The following FYB1 variants were observed in gnomAD, a reference collection of about 807,000 sequenced individuals.
FYB1 encodes the protein FYN binding protein 1.
Under a neutral mutation model 94.1 loss-of-function variants are expected in FYB1, and 41 were observed. That is an observed-to-expected ratio of 0.44 (90% confidence interval 0.34 to 0.57). The LOEUF (loss-of-function observed/expected upper bound fraction) is 0.57. FYB1 is among the 20% of genes least tolerant of loss of function. FYB1 has a pLI of 0.02. For missense variants in FYB1, 1,050 were observed against 976.8 expected (o/e 1.07, Z -1.00); for synonymous variants, 367 against 353.2 (o/e 1.04, Z -0.44).
At chr5:39,197,622 A>G (rs1747947432) in intron 2 of FYB1, among the ~76,000 whole-genome samples, 1 of 151,802 alleles carries the variant, frequency 6.6e-6, no homozygotes, top group South Asian at 2.1e-4. Flanking sequence ...TCTGGAAACA[A>G]TGACCTTCGA....
At chr5:39,217,843 A>T (rs1749989421) in intron 1 of FYB1, among the ~76,000 whole-genome samples, 1 of 152,214 alleles carries the variant, frequency 6.6e-6, no homozygotes, top group Non-Finnish European at 1.5e-5. Flanking sequence ...TCATTTCTAC[A>T]TCCCTGATCT....
rs1745136233 is a variant in FYB1, at chr5:39,170,332, A to T, written c.1136-16728T>A. The T allele has an allele frequency of 7.7e-6, 10 of 1,304,314 alleles. No homozygotes were observed. The South Asian group carries it at 1.5e-4, about 19-fold the overall frequency. 80.8% of individuals were successfully genotyped at this position (1,304,314 alleles called of 1,614,324 possible). A position where few individuals can be genotyped will look rare whatever the true frequency, so the allele number is the denominator to read the frequency against. ...TCCAGCAAGATCAACAAACCAAGACATGATGGCAGCAGAATAATCCTATTG... is the reference window on the plus strand; with the variant it reads ...TCCAGCAAGATCAACAAACCAAGACTTGATGGCAGCAGAATAATCCTATTG... On this transcript the variant is annotated intron_variant, in intron 2 of 18. Coordinates refer to ENST00000512982, the MANE Select transcript of FYB1 (RefSeq NM_001465.6).
At chr5:39,210,345 T>C (rs764749697) in intron 1 of FYB1, among the ~76,000 whole-genome samples, 2 of 152,246 alleles carry the variant, frequency 1.3e-5, no homozygotes, top group Non-Finnish European at 2.9e-5. Flanking sequence ...GATATCGCTG[T>C]GCATTATCTC....
chr5:39,270,718 G>A (rs1015406236), intron 1 of FYB1: 4 of 588,134 alleles, frequency 6.8e-6, no homozygotes, highest in African/African-American at 1.9e-5. Flanking sequence ...TGATATGTGA[G>A]GCTACATTTG....
intron 1 of FYB1, among the ~76,000 whole-genome samples, chr5:39,260,883 A>C (rs1290805380): frequency 4.6e-5 from 7 of 152,070 alleles, no homozygotes; most frequent in African/African-American, 1.7e-4. Context: ...TGTCCATATG[A>C]CTTACTTTGG....
At chr5:39,235,786 T>C (rs1420771052) in intron 1 of FYB1, among the ~76,000 whole-genome samples, 2 of 152,024 alleles carry the variant, frequency 1.3e-5, no homozygotes, top group African/African-American at 2.4e-5. Flanking sequence ...TCAGCTGCCA[T>C]AAATGAAATC....
intron 2 of FYB1, among the ~76,000 whole-genome samples, chr5:39,191,433 G>T (rs1333959360): frequency 6.6e-6 from 1 of 152,188 alleles, no homozygotes; most frequent in Non-Finnish European, 1.5e-5. Context: ...ATTCTACAAT[G>T]CAGGTTCTTA....
At chr5:39,161,375 G>A (rs556011255) in intron 2 of FYB1, among the ~76,000 whole-genome samples, 2 of 152,172 alleles carry the variant, frequency 1.3e-5, no homozygotes, top group South Asian at 2.1e-4. Context: ...AGGAGGGAAT[G>A]CTGAAAAGAA....
At chr5:39,270,571 T>C in intron 1 of FYB1, 3 of 1,535,048 alleles carry the variant, frequency 2.0e-6, no homozygotes, top group Non-Finnish European at 2.6e-6. Flanking sequence ...TTACTTACCA[T>C]TTTTATTGAA....
At chr5:39,183,370 CG>C (rs2150432039) in intron 2 of FYB1, among the ~76,000 whole-genome samples, 1 of 152,222 alleles carries the variant, frequency 6.6e-6, no homozygotes, top group South Asian at 2.1e-4. Context: ...TAAAACCAAG[CG>C]TAATAGATAC....
chr5:39,220,569 T>G (rs772880475), upstream of FYB1, among the ~76,000 whole-genome samples: 6 of 152,052 alleles, frequency 3.9e-5, no homozygotes, highest in Non-Finnish European at 5.9e-5. Flanking sequence ...TAAATGAGAT[T>G]TTAACAAATT....
At chr5:39,136,937 G>A (rs1741722821) in intron 7 of FYB1, among the ~76,000 whole-genome samples, 1 of 152,132 alleles carries the variant, frequency 6.6e-6, no homozygotes, top group African/African-American at 2.4e-5. Context: ...CATGCCAGAT[G>A]AGCCATGTCA....
At chr5:39,270,715 T>C in intron 1 of FYB1, 2 of 608,790 alleles carry the variant, frequency 3.3e-6, no homozygotes, top group Middle Eastern at 2.7e-4. Flanking sequence ...CATTGATATG[T>C]GAGGCTACAT....
chr5:39,141,315 T>C (rs1405307429), intron 3 of FYB1, among the ~76,000 whole-genome samples, 174 bp from the exon 4 acceptor site: 2 of 152,256 alleles, frequency 1.3e-5, no homozygotes, highest in African/African-American at 2.4e-5. Context: ...GCTGCTCCTG[T>C]GGCAGAAAAT....
intron 2 of FYB1, among the ~76,000 whole-genome samples, chr5:39,163,959 T>C (rs573051642): frequency 1.2e-4 from 18 of 152,354 alleles, no homozygotes; most frequent in Middle Eastern, 3.4e-3. Flanking sequence ...ATGAACACTT[T>C]CAATTTTTGA....
chr5:39,225,232 G>A (rs1241369134), intron 1 of FYB1, among the ~76,000 whole-genome samples: 1 of 152,114 alleles, frequency 6.6e-6, no homozygotes, highest in Non-Finnish European at 1.5e-5. Context: ...ATACATGTAT[G>A]TATATATGTG....
chr5:39,157,577 A>G (rs1418899020), intron 2 of FYB1, among the ~76,000 whole-genome samples: 3 of 152,224 alleles, frequency 2.0e-5, no homozygotes, highest in South Asian at 4.1e-4. Flanking sequence ...TTGAAATAGC[A>G]TAAAAGAACT....
Position 39,134,340 on chromosome 5 carries a change from A to G in FYB1, c.1685T>C (p.Ile562Thr). ...GTCAATCTCTACAGCAGTTGTTTTAATATAGCCATCTACCAAAAAGGGAAA... is the reference window on the plus strand; with the variant it reads ...GTCAATCTCTACAGCAGTTGTTTTAGTATAGCCATCTACCAAAAAGGGAAA... ...GRTARGSYGYIKTTAVEIDYD... is the reference protein window; with the variant it reads ...GRTARGSYGYTKTTAVEIDYD... The change falls in exon 9 of 19, where the codon ATT becomes ACT. Residue 562 changes from isoleucine to threonine, a missense_variant. Coordinates refer to ENST00000512982, the MANE Select transcript of FYB1 (RefSeq NM_001465.6). 6.2e-7 allele frequency: 1 copy of G among 1,601,790 alleles called. No individual in the cohort carries two copies. The highest frequency in any genetic ancestry group is 8.5e-7 in the Non-Finnish European group (1 of 1,171,568).
At chr5:39,180,337 G>T (rs1264611964) in intron 2 of FYB1, among the ~76,000 whole-genome samples, 2 of 152,012 alleles carry the variant, frequency 1.3e-5, no homozygotes, top group African/African-American at 2.4e-5. Flanking sequence ...CCATTTTCAC[G>T]TGCTCACCAT....
Sources: allele counts gnomAD v4.1 joint callset (sites outside exome capture counted in the v4.1 genomes callset), GRCh38; gene constraint gnomAD v4.1.1; transcripts MANE v1.5; gene names NCBI Gene and HGNC (gene_info 2026-07-23, HGNC 2026-07-21).